The following PDE4D variants were observed in gnomAD, a reference collection of about 807,000 sequenced individuals.
PDE4D encodes the protein 3',5'-cyclic-AMP phosphodiesterase 4D.
In PDE4D, 24 loss-of-function variants were observed where a neutral mutation model predicts 87.4. The ratio of observed to expected loss-of-function variants is 0.27; its 90% confidence interval spans 0.20 to 0.39. The LOEUF is 0.39. Ranked by LOEUF, PDE4D falls within the 10% of genes least tolerant of loss-of-function variation. The pLI, the probability that PDE4D is intolerant of heterozygous loss-of-function variation, is 1.00. For missense variants in PDE4D, 714 were observed against 1,041.0 expected, an observed-to-expected ratio of 0.69 and a Z score of 4.32; for synonymous variants, 384 against 383.2, an observed-to-expected ratio of 1.00 and a Z score of -0.02.
At chr5:60,130,203 C>T (rs1779446298) in intron 2 of PDE4D, among the ~76,000 whole-genome samples, 1 of 152,152 alleles carries the variant, frequency 6.6e-6, no homozygotes, top group African/African-American at 2.4e-5. Context: ...TAGTCTATGG[C>T]ATTTTGTTGT....
At position 59,975,847 on chromosome 5, in the gene PDE4D, G is replaced by A. The variant is rs190511058; in HGVS notation, c.272+12641C>T. Among the ~76,000 whole-genome samples the A allele has an allele frequency of 2.2e-3, 339 of 152,232 alleles. 2 individuals are homozygous for A. The highest frequency in any genetic ancestry group is 7.9e-3 in the African/African-American group (330 of 41,544). On this transcript the variant is annotated intron_variant, in intron 3 of 16. Transcript: ENST00000502484. ...CTTTGACCTGCTGTTCTCTCTTCCTGGAACCATCTTATTTTGGTCTCAGGT... is the reference window on the plus strand; with the variant it reads ...CTTTGACCTGCTGTTCTCTCTTCCTAGAACCATCTTATTTTGGTCTCAGGT...
At chr5:59,425,772 T>C (rs1795111992) in intron 1 of PDE4D, among the ~76,000 whole-genome samples, 1 of 152,188 alleles carries the variant, frequency 6.6e-6, no homozygotes, top group East Asian at 1.9e-4. Flanking sequence ...TGCCCATTAT[T>C]GAGTCCACTT....
chr5:60,321,144 C>G (rs1165195057), intron 1 of PDE4D, among the ~76,000 whole-genome samples: 1 of 152,184 alleles, frequency 6.6e-6, no homozygotes. Flanking sequence ...TATCTGACTT[C>G]AAACTATACA....
At chr5:60,274,282 TA>T (rs1304955162) in intron 1 of PDE4D, among the ~76,000 whole-genome samples, 5 of 152,234 alleles carry the variant, frequency 3.3e-5, no homozygotes, top group African/African-American at 1.2e-4. Flanking sequence ...AGGAGCCACT[TA>T]AAATCAGTGA....
chr5:59,822,810 A>G (rs1020779701), intron 1 of PDE4D, among the ~76,000 whole-genome samples: 2 of 152,178 alleles, frequency 1.3e-5, no homozygotes, highest in African/African-American at 4.8e-5. Flanking sequence ...AGCTTCAAAT[A>G]TGACAGTCAA....
chr5:59,981,968 G>T lies in PDE4D; in HGVS notation c.272+6520C>A, dbSNP rs556198917. On this transcript the variant is annotated intron_variant, in intron 3 of 16. Coordinates refer to the PDE4D transcript ENST00000502484. ...AAGAGCACAAGATGAAGAGTGGTTA[G>T]TCAAAGAATCCAATGTCTAACTGGC... is the stretch of plus-strand genomic sequence containing the variant. Among the ~76,000 whole-genome samples, 4 of 152,236 alleles carry T rather than the reference G, an allele frequency of 2.6e-5. No individual in the cohort carries two copies. In the South Asian group the frequency reaches 8.3e-4, roughly 32 times the overall value.
chr5:59,178,683 C>A (rs1384009160), intron 5 of PDE4D, among the ~76,000 whole-genome samples: 2 of 152,168 alleles, frequency 1.3e-5, no homozygotes, highest in African/African-American at 4.8e-5. Flanking sequence ...TCCACTGGTA[C>A]CTGATGCTGC....
intron 1 of PDE4D, among the ~76,000 whole-genome samples, chr5:59,347,888 C>T (rs922014666): frequency 6.6e-6 from 1 of 152,118 alleles, no homozygotes; most frequent in African/African-American, 2.4e-5. Context: ...AATGTACTCA[C>T]AGATGTATGG....
At chr5:59,574,145 AATATATATTTATATATAT>A (rs1561242462) in intron 1 of PDE4D, among the ~76,000 whole-genome samples, 1 of 3,166 alleles carries the variant, frequency 3.2e-4, no homozygotes, top group Non-Finnish European at 1.0e-3. Flanking sequence ...TATATATATA[AATATATATTTATATATAT>A]ATATATATAA....
chr5:59,869,857 C>T (rs1264417273), intron 1 of PDE4D, among the ~76,000 whole-genome samples: 1 of 152,158 alleles, frequency 6.6e-6, no homozygotes, highest in Non-Finnish European at 1.5e-5. Context: ...CAGCATCCCT[C>T]CAATCCTCTG....
intron 1 of PDE4D, among the ~76,000 whole-genome samples, chr5:59,236,346 T>C (rs904174687): frequency 5.9e-5 from 9 of 152,218 alleles, no homozygotes; most frequent in African/African-American, 2.2e-4. Flanking sequence ...GACTTAGCTA[T>C]TTCATCAATG....
At chr5:59,154,137 G>A (rs954843215) in intron 5 of PDE4D, among the ~76,000 whole-genome samples, 1 of 152,158 alleles carries the variant, frequency 6.6e-6, no homozygotes, top group Non-Finnish European at 1.5e-5. Flanking sequence ...TGATGGGAAG[G>A]CTTGAAAAGG....
intron 2 of PDE4D, among the ~76,000 whole-genome samples, chr5:60,025,609 T>C (rs1205861046): frequency 6.6e-6 from 1 of 152,134 alleles, no homozygotes; most frequent in East Asian, 1.9e-4. Context: ...AAAATTCTAA[T>C]ATAATGAGAA....
At chr5:60,041,329 C>T (rs546444006) in intron 2 of PDE4D, among the ~76,000 whole-genome samples, 2 of 152,232 alleles carry the variant, frequency 1.3e-5, no homozygotes, top group East Asian at 3.9e-4. Context: ...AAAAAAATCA[C>T]TTCTTGTCAT....
intron 1 of PDE4D, among the ~76,000 whole-genome samples, chr5:59,278,135 TA>T (rs975950295): frequency 5.9e-5 from 9 of 151,334 alleles, no homozygotes; most frequent in African/African-American, 1.2e-4. Context: ...AGTGACAGAA[TA>T]AAAAAAAAGT....
chr5:59,288,531 T>C (rs1369264565), intron 1 of PDE4D, among the ~76,000 whole-genome samples: 1 of 151,618 alleles, frequency 6.6e-6, no homozygotes, highest in African/African-American at 2.4e-5. Context: ...GGGTAGAAAA[T>C]TTATTCAAAG....
chr5:59,560,976 CCTCACTTAAAAGTTATGG>C (rs1819877150), intron 1 of PDE4D: 1 of 152,180 alleles, frequency 6.6e-6, no homozygotes, highest in Non-Finnish European at 1.5e-5. Context: ...ACACTAAGTT[CCTCACTTAAAAGTTATGG>C]CAGACATTTC....
At chr5:59,497,892 C>T (rs10805515) in intron 1 of PDE4D, among the ~76,000 whole-genome samples, 58,051 of 151,608 alleles carry the variant, frequency 0.38, 12,184 homozygotes, top group African/African-American at 0.55. Context: ...CCAAGGTCAA[C>T]GTGAAAGAAA....
intron 1 of PDE4D, among the ~76,000 whole-genome samples, chr5:60,408,105 G>C (rs1318164255): frequency 6.6e-6 from 1 of 152,124 alleles, no homozygotes; most frequent in Non-Finnish European, 1.5e-5. Flanking sequence ...ACATGTGAGG[G>C]AAGGTGTCTT....
Sources: allele counts gnomAD v4.1 joint callset (sites outside exome capture counted in the v4.1 genomes callset), GRCh38; gene constraint gnomAD v4.1.1; transcripts MANE v1.5; gene names NCBI Gene and HGNC (gene_info 2026-07-23, HGNC 2026-07-21).